Variants in TCF7L2 observed in about 807,000 individuals in gnomAD.
TCF7L2 encodes the protein transcription factor 7-like 2.
Under a neutral mutation model 77.9 loss-of-function variants are expected in TCF7L2, and 23 were observed. That is an observed-to-expected ratio of 0.30 (90% CI 0.21 to 0.42). The LOEUF is 0.42. TCF7L2 is among the 10% of genes least tolerant of loss of function. The pLI, the probability that TCF7L2 is intolerant of heterozygous loss-of-function variation, is 1.00. For missense variants in TCF7L2, 654 were observed against 793.1 expected, an observed-to-expected ratio of 0.82 and a Z score of 2.11; for synonymous variants, 413 against 340.2, an observed-to-expected ratio of 1.21 and a Z score of -2.36.
At chr10:113,040,151 G>T (rs1435070015) in intron 5 of TCF7L2, 25 bp downstream of exon 5, 2 of 1,601,748 alleles carry the variant, frequency 1.2e-6, no homozygotes, top group Non-Finnish European at 1.7e-6. Context: ...AGAGATGATG[G>T]CTTCCTTTAT....
chr10:113,141,128 G>T, intron 5 of TCF7L2, 56 bp from the exon 6 acceptor site: 1 of 1,603,344 alleles, frequency 6.2e-7, no homozygotes, highest in Non-Finnish European at 8.5e-7. Context: ...GTGCTCTGAA[G>T]CCCTGGGCTG....
chr10:112,984,019 C>A (rs1165153780), intron 4 of TCF7L2, among the ~76,000 whole-genome samples: 1 of 152,236 alleles, frequency 6.6e-6, no homozygotes, highest in Non-Finnish European at 1.5e-5. Context: ...GTTTTCTTTA[C>A]ACCTTCTGAT....
intron 5 of TCF7L2, among the ~76,000 whole-genome samples, chr10:113,109,486 G>A (rs1166100067): frequency 6.6e-6 from 1 of 152,174 alleles, no homozygotes; most frequent in African/African-American, 2.4e-5. Context: ...CCCCTCCTGG[G>A]TTCAAGTAAT....
intron 4 of TCF7L2, among the ~76,000 whole-genome samples, chr10:112,988,161 G>C (rs2041909530): frequency 1.3e-5 from 2 of 151,622 alleles, no homozygotes; most frequent in African/African-American, 4.9e-5. Context: ...GAGTACAGTG[G>C]CTCTCAGCTC....
intron 5 of TCF7L2, among the ~76,000 whole-genome samples, chr10:113,062,306 C>G (rs1468610320): frequency 1.3e-5 from 2 of 152,172 alleles, no homozygotes; most frequent in African/African-American, 4.8e-5. Flanking sequence ...TGGCTGCTTC[C>G]CTCCTCAACT....
chr10:112,993,678 T>G (rs1302986918), intron 4 of TCF7L2, among the ~76,000 whole-genome samples: 1 of 152,168 alleles, frequency 6.6e-6, no homozygotes, highest in Admixed American at 6.5e-5. Flanking sequence ...ATGAATCCCC[T>G]CTACAAGAGA....
intron 13 of TCF7L2, chr10:113,161,708 A>G (rs1354258953): frequency 3.2e-6 from 4 of 1,266,614 alleles, no homozygotes; most frequent in Non-Finnish European, 4.4e-6. Context: ...TTTAGACGTT[A>G]GATCAGATGT....
intron 5 of TCF7L2, among the ~76,000 whole-genome samples, chr10:113,046,959 C>A (rs1392446273): frequency 2.0e-5 from 3 of 152,084 alleles, no homozygotes; most frequent in African/African-American, 7.2e-5. Context: ...ATGAAAATTG[C>A]TGTAGTTAAT....
intron 3 of TCF7L2, among the ~76,000 whole-genome samples, chr10:112,960,913 G>C (rs2034924193): frequency 6.6e-6 from 1 of 152,046 alleles, no homozygotes; most frequent in Non-Finnish European, 1.5e-5. Flanking sequence ...GGCTGGTCTG[G>C]AACTCCTGTC....
intron 5 of TCF7L2, among the ~76,000 whole-genome samples, chr10:113,064,813 A>G (rs561791286): frequency 1.3e-5 from 2 of 152,342 alleles, no homozygotes; most frequent in South Asian, 4.1e-4. Flanking sequence ...ATATTTTGTC[A>G]TTCCCAAAAT....
intron 4 of TCF7L2, among the ~76,000 whole-genome samples, chr10:112,965,285 C>T (rs569355308): frequency 7.9e-5 from 12 of 152,232 alleles, no homozygotes; most frequent in Non-Finnish European, 1.2e-4. Flanking sequence ...CTCTTAAATC[C>T]GAAGGCTAAA....
chr10:113,062,282 T>C (rs773636873), intron 5 of TCF7L2, among the ~76,000 whole-genome samples: 2 of 152,194 alleles, frequency 1.3e-5, no homozygotes, highest in African/African-American at 2.4e-5. Flanking sequence ...TGTTGCCACA[T>C]CATCTTGGAG....
At chr10:112,966,210 A>ATATT (rs1554877072) in intron 4 of TCF7L2, among the ~76,000 whole-genome samples, 6 of 108,616 alleles carry the variant, frequency 5.5e-5, no homozygotes, top group African/African-American at 2.1e-4. Flanking sequence ...ATATATATAT[A>ATATT]TTTTCTTTTC....
intron 3 of TCF7L2, 26 bp from the exon 4 acceptor site, chr10:112,964,530 C>T (rs749844277): frequency 2.1e-5 from 33 of 1,606,736 alleles, no homozygotes; most frequent in African/African-American, 1.1e-4. Flanking sequence ...ATAAGCAGAA[C>T]GCTTTGATTT....
At chr10:113,086,890 A>G (rs7082458) in intron 5 of TCF7L2, among the ~76,000 whole-genome samples, 29,104 of 152,042 alleles carry the variant, frequency 0.19, 3,437 homozygotes, top group African/African-American at 0.33. Flanking sequence ...AAGACTTTGT[A>G]TTCTGTAAGA....
At chr10:112,964,201 G>A (rs975001599) in intron 3 of TCF7L2, among the ~76,000 whole-genome samples, 9 of 151,874 alleles carry the variant, frequency 5.9e-5, no homozygotes, top group South Asian at 2.1e-4. Context: ...TTTTTGCAGC[G>A]CACAGTTCAT....
chr10:113,072,557 G>A (rs749044159), intron 5 of TCF7L2, among the ~76,000 whole-genome samples: 30 of 152,072 alleles, frequency 2.0e-4, no homozygotes, highest in Non-Finnish European at 4.0e-4. Context: ...GCTTCACCAT[G>A]TTGGCCAGGC....
intron 6 of TCF7L2, 92 bp downstream of exon 6, chr10:113,141,408 C>A (rs139772039): frequency 6.5e-7 from 1 of 1,546,764 alleles, no homozygotes; most frequent in Admixed American, 2.0e-5. Context: ...AGGGGTGGAG[C>A]AGTAGGGGAC....
At chr10:113,140,508 A>C (rs2068159048) in intron 5 of TCF7L2, among the ~76,000 whole-genome samples, 1 of 152,172 alleles carries the variant, frequency 6.6e-6, no homozygotes, top group Non-Finnish European at 1.5e-5. Context: ...TTTCTAATGA[A>C]ATTCCTAATG....
Sources: allele counts gnomAD v4.1 joint callset (sites outside exome capture counted in the v4.1 genomes callset), GRCh38; gene constraint gnomAD v4.1.1; transcripts MANE v1.5; gene names NCBI Gene and HGNC (gene_info 2026-07-23, HGNC 2026-07-21).